Variants in RELN observed in about 807,000 individuals in gnomAD.
RELN encodes the protein reelin.
In RELN, 108 loss-of-function variants were observed where a neutral mutation model predicts 427.6. The ratio of observed to expected loss-of-function variants is 0.25; its 90% CI spans 0.22 to 0.30. The LOEUF is 0.30. RELN is among the 10% of genes least tolerant of loss of function. RELN has a pLI of 1.00. For synonymous variants in RELN, 1,524 were observed against 1,513.4 expected, an observed-to-expected ratio of 1.01 and a Z score of -0.16; for missense variants, 3,715 against 4,302.8, an observed-to-expected ratio of 0.86 and a Z score of 3.82.
At chr7:103,651,520 T>C (rs1031886357) in intron 15 of RELN, 141 bp downstream of exon 15, 1 of 755,826 alleles carries the variant, frequency 1.3e-6, no homozygotes, top group Admixed American at 2.1e-5. Flanking sequence ...TCTTTCTTTC[T>C]TTCTTTTTTA....
chr7:103,610,711 G>A lies in RELN; in HGVS notation c.2992C>T (p.Leu998Phe). 6.3e-7 allele frequency: 1 copy of A among 1,579,158 alleles called. No individual in the cohort carries two copies. Among genetic ancestry groups the A allele is most frequent in the Non-Finnish European group, 8.7e-7 (1 of 1,148,514 alleles). ...TCATCTCACCAAGTTTTCTGGGGAA[G>A]AAGCACTATGACTCTCCTCCACTGT... ...FTQWRRVIVLLPQKTWSSATR... is the reference protein window; with the variant it reads ...FTQWRRVIVLFPQKTWSSATR... The change falls in exon 22 of 65, where the codon CTT (leucine) becomes TTT (phenylalanine). Residue 998 changes from leucine (L) to phenylalanine (F), a missense_variant. This residue lies in a region of RELN where 2,208 missense variants were observed against 2,361.7 expected (regional missense o/e 0.93). Coordinates refer to ENST00000428762, the MANE Select transcript of RELN (RefSeq NM_005045.4).
intron 4 of RELN, among the ~76,000 whole-genome samples, chr7:103,766,826 G>A (rs1791435382): frequency 6.6e-6 from 1 of 152,234 alleles, no homozygotes; most frequent in Non-Finnish European, 1.5e-5. Flanking sequence ...CTGGCAGAAA[G>A]CAGCCAAGGT....
chr7:103,773,623 C>A (rs1024527069), intron 4 of RELN, among the ~76,000 whole-genome samples: 2 of 151,958 alleles, frequency 1.3e-5, no homozygotes. Flanking sequence ...GCCCGCACCA[C>A]CACGCCCAGC....
At chr7:103,821,704 T>C (rs1447150727) in intron 3 of RELN, among the ~76,000 whole-genome samples, 1 of 152,166 alleles carries the variant, frequency 6.6e-6, no homozygotes, top group Non-Finnish European at 1.5e-5. Flanking sequence ...ACAGCCACAC[T>C]TTCAATATAT....
intron 1 of RELN, among the ~76,000 whole-genome samples, chr7:103,972,371 C>T (rs1289445329): frequency 3.9e-5 from 6 of 152,186 alleles, no homozygotes; most frequent in Non-Finnish European, 5.9e-5. Flanking sequence ...AAACTAGTTT[C>T]CTCCCTTGCG....
chr7:103,601,210 T>C (rs1025214548), intron 24 of RELN, among the ~76,000 whole-genome samples: 2 of 144,536 alleles, frequency 1.4e-5, no homozygotes, highest in African/African-American at 2.6e-5. Context: ...TTGATGCTTA[T>C]AGGACCACAA....
intron 2 of RELN, among the ~76,000 whole-genome samples, chr7:103,837,987 C>A (rs1044011824): frequency 6.6e-6 from 1 of 151,954 alleles, no homozygotes; most frequent in Non-Finnish European, 1.5e-5. Flanking sequence ...GTGGGTGGAT[C>A]ATGAGGTAAG....
chr7:103,826,258 A>G (rs981781937), intron 3 of RELN, among the ~76,000 whole-genome samples: 4 of 150,872 alleles, frequency 2.7e-5, no homozygotes, highest in East Asian at 2.0e-4. Context: ...AAAATCTTCT[A>G]TTGTTTATAA....
rs759556355 is a variant in RELN at position 103,833,558 on chromosome 7, C to A, written c.452G>T (p.Gly151Val). ...LSFIWIAPPA[G>V]TGCVNFMATA... ...TTACATGAAATTCACACAGCCTGTGCCCGCAGGTGGAGCAATCCAGATGAA... is the reference window on the plus strand; with the variant it reads ...TTACATGAAATTCACACAGCCTGTGACCGCAGGTGGAGCAATCCAGATGAA... Residue 151 changes from glycine to valine, a missense_variant, in exon 3 of 65, where the codon GGC becomes GTC. By Grantham distance (109) the Gly-to-Val change is moderately radical. Coordinates refer to ENST00000428762, the MANE Select transcript of RELN (RefSeq NM_005045.4). 3 of 1,613,928 alleles carry A rather than the reference C, an allele frequency of 1.9e-6. No individual in the cohort carries two copies. The highest frequency in any genetic ancestry group is 2.7e-5 in the African/African-American group (2 of 74,918).
At chr7:103,486,552 AC>A in intron 60 of RELN, 136 bp from the exon 61 acceptor site, 90 of 706,398 alleles carry the variant, frequency 1.3e-4, no homozygotes, top group South Asian at 5.3e-4. Context: ...AAACAACTTT[AC>A]AAAAAAAAAA....
chr7:103,531,578 C>G (rs966283799), intron 46 of RELN, among the ~76,000 whole-genome samples: 1 of 152,132 alleles, frequency 6.6e-6, no homozygotes, highest in Non-Finnish European at 1.5e-5. Flanking sequence ...CAAGCTCCCA[C>G]GTCAATTTCA....
chr7:103,494,394 G>GTGTGTGTGTGTGA lies in RELN; in HGVS notation c.9369+1328_9369+1329insTCACACACACACA, dbSNP rs774896895. ...GTGTGTGTGTGTGTGTGTGTGTGTG[G>GTGTGTGTGTGTGA]GATATGGTCTTGTTCTGTTGCCCTA... On this transcript the variant is annotated intron_variant, in intron 57 of 64. Transcript: ENST00000428762. 8.2e-3 allele frequency among the ~76,000 whole-genome samples: 1,099 copies of GTGTGTGTGTGTGA among 134,526 alleles called. 17 individuals are homozygous for GTGTGTGTGTGTGA. The highest frequency in any genetic ancestry group is 0.031 in the African/African-American group (1,024 of 33,410). The allele number at this position is 134,526 out of a possible 152,430, so 88.3% of individuals were successfully genotyped here. A position where few individuals can be genotyped will look rare whatever the true frequency, so the allele number is the denominator to read the frequency against.
At chr7:103,719,906 T>C (rs1014099519) in intron 8 of RELN, among the ~76,000 whole-genome samples, 3 of 152,184 alleles carry the variant, frequency 2.0e-5, no homozygotes. Flanking sequence ...ACGAATATTT[T>C]AGGACACTTT....
intron 37 of RELN, among the ~76,000 whole-genome samples, 173 bp downstream of exon 37, chr7:103,557,792 T>A (rs1027361511): frequency 2.0e-5 from 3 of 152,218 alleles, no homozygotes; most frequent in Admixed American, 2.0e-4. Context: ...CTTGCCCTTA[T>A]ATTAAGATAA....
intron 2 of RELN, among the ~76,000 whole-genome samples, chr7:103,860,149 T>G (rs1794039064): frequency 6.6e-6 from 1 of 152,180 alleles, no homozygotes; most frequent in Non-Finnish European, 1.5e-5. Flanking sequence ...TCCCAGATGT[T>G]TCTATCAATA....
At chr7:103,503,834 G>A (rs1366443145) in intron 51 of RELN, among the ~76,000 whole-genome samples, 1 of 146,052 alleles carries the variant, frequency 6.8e-6, no homozygotes, top group Non-Finnish European at 1.5e-5. Flanking sequence ...TGACATTAAT[G>A]CTAATCATGC....
intron 46 of RELN, among the ~76,000 whole-genome samples, chr7:103,533,041 T>C (rs1829974785): frequency 1.3e-5 from 2 of 152,230 alleles, no homozygotes; most frequent in South Asian, 4.1e-4. Context: ...AATGAATAAT[T>C]GCTACTGATG....
chr7:103,531,851 G>A (rs1829947014), intron 46 of RELN, among the ~76,000 whole-genome samples: 1 of 152,208 alleles, frequency 6.6e-6, no homozygotes, highest in Non-Finnish European at 1.5e-5. Flanking sequence ...GTTGGTGGGA[G>A]TGTAAATTAG....
intron 11 of RELN, among the ~76,000 whole-genome samples, chr7:103,674,454 T>A (rs1264289251): frequency 6.6e-6 from 1 of 152,166 alleles, no homozygotes; most frequent in Non-Finnish European, 1.5e-5. Flanking sequence ...ATTTAGATTA[T>A]TTGCTTAAAT....
Sources: gnomAD v4.1 joint callset for allele counts (sites outside exome capture counted in the v4.1 genomes callset) on GRCh38, gnomAD v4.1.1 for gene constraint, gnomAD v4.1.1 regional missense constraint, MANE v1.5 for transcripts, NCBI Gene and HGNC (gene_info 2026-07-23, HGNC 2026-07-21) for gene names.